Variants in LNP1 observed in about 807,000 individuals in gnomAD.
LNP1 encodes leukemia NUP98 fusion partner 1.
LNP1 carries 12 observed loss-of-function variants against 14.5 expected under a neutral mutation model. The observed-to-expected ratio is 0.83, with a 90% CI of 0.53 to 1.34. The LOEUF (loss-of-function observed/expected upper bound fraction) is 1.34, where lower values mean the gene tolerates loss of function less well. Among genes scored for constraint, LNP1 ranks in the 40% most tolerant of loss-of-function variants. LNP1 has a pLI of 0.00. For missense variants in LNP1, 198 were observed against 210.9 expected (o/e 0.94, Z 0.38); for synonymous variants, 75 against 71.4 (o/e 1.05, Z -0.26).
chr3:100,450,333 T>C lies in LNP1; in HGVS notation c.157-1386T>C, dbSNP rs548123049. Among the ~76,000 whole-genome samples the C allele has an allele frequency of 8.9e-5, 12 of 134,844 alleles. No homozygotes were observed. The South Asian group carries it at 2.1e-3, about 23-fold the overall frequency. 88.5% of individuals were successfully genotyped at this position (134,844 alleles called of 152,430 possible). A position where few individuals can be genotyped will look rare whatever the true frequency, so the allele number is the denominator to read the frequency against. The stretch of plus-strand genomic sequence containing the variant: ...GAAATTAATGCCAACTGGATGTTAA[T>C]TTTTTTTTTTTTTTTTTGAGACGAA... On this transcript the variant is annotated intron_variant, in intron 2 of 3. Coordinates refer to ENST00000383693, the MANE Select transcript of LNP1 (RefSeq NM_001085451.2).
rs141211682 is a variant in LNP1, at chr3:100,404,896, G to A, written c.-34+2457G>A. Among the ~76,000 whole-genome samples the A allele has an allele frequency of 9.8e-3, 1,470 of 150,734 alleles. 13 individuals are homozygous for A. Among genetic ancestry groups the A allele is most frequent in the Non-Finnish European group, 0.015 (1,035 of 67,874 alleles). ...CAACCTCTGCCTCCTGGGTTCAAGCGATTCTCTTGTCTCAGCCTCCCGAGT... is the reference window on the plus strand; with the variant it reads ...CAACCTCTGCCTCCTGGGTTCAAGCAATTCTCTTGTCTCAGCCTCCCGAGT... On this transcript the variant is annotated intron_variant, in intron 1 of 3. Transcript: ENST00000383693.
chr3:100,416,424 C>T (rs1049776221), intron 1 of LNP1, among the ~76,000 whole-genome samples: 5 of 151,982 alleles, frequency 3.3e-5, no homozygotes, highest in African/African-American at 1.2e-4. Context: ...GTTTTGTTTT[C>T]TTTGTCTTTA....
At chr3:100,441,822 C>G (rs1707346308) in intron 2 of LNP1, among the ~76,000 whole-genome samples, 1 of 151,838 alleles carries the variant, frequency 6.6e-6, no homozygotes, top group Non-Finnish European at 1.5e-5. Context: ...GCCACCATAC[C>G]CAGCTAATTT....
chr3:100,425,178 C>T (rs1707180573), intron 1 of LNP1, among the ~76,000 whole-genome samples: 1 of 152,170 alleles, frequency 6.6e-6, no homozygotes, highest in African/African-American at 2.4e-5. Context: ...TCAGTTACCC[C>T]AATGAAAACA....
At chr3:100,426,213 G>C (rs559925401) in intron 1 of LNP1, among the ~76,000 whole-genome samples, 3 of 152,284 alleles carry the variant, frequency 2.0e-5, no homozygotes, top group Admixed American at 6.5e-5. Context: ...CATGTGATTC[G>C]GATAGCAGAG....
At chr3:100,406,234 C>T (rs933807266) in intron 1 of LNP1, among the ~76,000 whole-genome samples, 7 of 151,952 alleles carry the variant, frequency 4.6e-5, no homozygotes, top group African/African-American at 7.2e-5. Context: ...TGCAGTGAGC[C>T]GAGATTACCC....
At position 100,451,820 on chromosome 3, in the gene LNP1, A is replaced by G. The variant is rs761389221; in HGVS notation, c.258A>G (p.Arg86=). 17 of 1,613,852 alleles carry G rather than the reference A, an allele frequency of 1.1e-5. No individual in the cohort carries two copies. The East Asian group carries it at 3.6e-4, about 34-fold the overall frequency. The change falls in exon 3 of 4, where the codon AGA becomes AGG. Residue 86 remains arginine (R), a synonymous_variant. Coordinates refer to ENST00000383693, the MANE Select transcript of LNP1 (RefSeq NM_001085451.2). ...FRCRSHVRDY[R]KYSEDGSFKE... The stretch of plus-strand genomic sequence containing the variant: ...GCCGTAGCCACGTACGGGATTACAG[A>G]AAATACTCAGAGGATGGGTCATTCA...
intron 2 of LNP1, among the ~76,000 whole-genome samples, chr3:100,446,605 C>A (rs1205140159): frequency 6.6e-6 from 1 of 152,148 alleles, no homozygotes; most frequent in Non-Finnish European, 1.5e-5. Context: ...CAAATGGGAT[C>A]TAATTAAACT....
chr3:100,409,610 T>A (rs765341198), intron 1 of LNP1, among the ~76,000 whole-genome samples: 2,088 of 123,052 alleles, frequency 0.017, 24 homozygotes, highest in African/African-American at 0.022. Flanking sequence ...ATATATATTT[T>A]TTTTTTTTTT....
chr3:100,421,717 G>T (rs1707145236), intron 1 of LNP1, among the ~76,000 whole-genome samples: 1 of 152,046 alleles, frequency 6.6e-6, no homozygotes, highest in East Asian at 1.9e-4. Flanking sequence ...AAATTTCTGG[G>T]TCAAAGGATG....
At position 100,416,181 on chromosome 3, in the gene LNP1, AT is replaced by A. The variant is rs564525187; in HGVS notation, c.-33-13514del. Among the ~76,000 whole-genome samples the A allele has an allele frequency of 3.2e-3, 482 of 152,224 alleles. 2 individuals carry two copies. The highest frequency in any genetic ancestry group is 0.011 in the African/African-American group (448 of 41,534). ...GTGATCACAAAATGGCAATATTCTA[AT>A]TCTTTTCTATTCTCTCATTTTCATT... On this transcript the variant is annotated intron_variant, in intron 1 of 3. Coordinates refer to ENST00000383693, the MANE Select transcript of LNP1 (RefSeq NM_001085451.2).
intron 1 of LNP1, among the ~76,000 whole-genome samples, chr3:100,407,987 C>T (rs1004265761): frequency 2.0e-5 from 3 of 151,986 alleles, no homozygotes; most frequent in African/African-American, 7.3e-5. Context: ...TATTATTTTC[C>T]TAATTTTGTT....
At chr3:100,433,917 T>G (rs532797441) in intron 2 of LNP1, among the ~76,000 whole-genome samples, 9 of 152,288 alleles carry the variant, frequency 5.9e-5, no homozygotes, top group Middle Eastern at 3.4e-3. Context: ...GGTTTGTTTG[T>G]TTGTTTCTTG....
chr3:100,409,767 G>A (rs533776008), intron 1 of LNP1, among the ~76,000 whole-genome samples: 2 of 151,014 alleles, frequency 1.3e-5, no homozygotes, highest in East Asian at 4.0e-4. Context: ...GCTAATTTTT[G>A]TATTTTTAGT....
intron 2 of LNP1, among the ~76,000 whole-genome samples, chr3:100,441,189 C>T (rs1409603512): frequency 1.3e-5 from 2 of 152,132 alleles, no homozygotes; most frequent in Non-Finnish European, 2.9e-5. Context: ...CAGGAAGGTG[C>T]GGTGGTAGCA....
intron 1 of LNP1, among the ~76,000 whole-genome samples, chr3:100,408,930 C>G (rs931412970): frequency 3.9e-5 from 6 of 152,162 alleles, no homozygotes; most frequent in Non-Finnish European, 8.8e-5. Flanking sequence ...GTTTCCTTAG[C>G]TCTCGTGAAG....
intron 2 of LNP1, among the ~76,000 whole-genome samples, chr3:100,449,455 C>G (rs1358084959): frequency 6.6e-6 from 1 of 152,168 alleles, no homozygotes; most frequent in African/African-American, 2.4e-5. Flanking sequence ...CAAAGGGAGT[C>G]TGGCACCTTC....
At chr3:100,439,505 C>T (rs1481066437) in intron 2 of LNP1, among the ~76,000 whole-genome samples, 2 of 152,134 alleles carry the variant, frequency 1.3e-5, no homozygotes, top group Admixed American at 6.6e-5. Context: ...TGCTCATCTC[C>T]AGGCAGAAAG....
chr3:100,440,556 T>TA (rs1707335304), intron 2 of LNP1, among the ~76,000 whole-genome samples: 1 of 152,184 alleles, frequency 6.6e-6, no homozygotes, highest in South Asian at 2.1e-4. Context: ...CCCTGAAAGG[T>TA]AAAAATATTG....
Sources: gnomAD v4.1 joint callset for allele counts (sites outside exome capture counted in the v4.1 genomes callset) on GRCh38, gnomAD v4.1.1 for gene constraint, MANE v1.5 for transcripts, NCBI Gene and HGNC (gene_info 2026-07-23, HGNC 2026-07-21) for gene names.